Variants in COL5A1 observed in about 807,000 individuals in gnomAD.
The protein encoded by COL5A1 is collagen alpha-1(V) chain.
COL5A1 carries 16 observed loss-of-function variants against 263.7 expected under a neutral mutation model. The ratio of observed to expected loss-of-function variants is 0.06; its 90% CI spans 0.04 to 0.09. COL5A1 has a LOEUF of 0.09. COL5A1 is among the 10% of genes least tolerant of loss of function. The pLI is 1.00. For synonymous variants in COL5A1, 1,012 were observed against 1,004.5 expected (o/e 1.01, Z -0.14); for missense variants, 2,036 against 2,540.5 (o/e 0.80, Z 4.27).
rs555550547 is a variant in COL5A1, at chr9:134,686,934, C to A, written c.110-3978C>A. 6.6e-6 allele frequency among the ~76,000 whole-genome samples: 1 copy of A among 152,060 alleles called. No individual in the cohort carries two copies. Among genetic ancestry groups the A allele is most frequent in the Non-Finnish European group, 1.5e-5 (1 of 68,016 alleles). The stretch of plus-strand genomic sequence containing the variant: ...GCACACAGCTGATGGGAGCAAGCCA[C>A]GATGGGGAAAGGGATTGAATGCAGG... On this transcript the variant is annotated intron_variant, in intron 1 of 65. Transcript: ENST00000371817. The surrounding 1 kb of genome is among the most constrained non-coding windows in gnomAD (Gnocchi z 4.6).
At chr9:134,656,582 GC>G (rs1186994182) in intron 1 of COL5A1, among the ~76,000 whole-genome samples, 1 of 152,154 alleles carries the variant, frequency 6.6e-6, no homozygotes, top group Non-Finnish European at 1.5e-5. Flanking sequence ...CCCTAGGTGT[GC>G]CCGGTGTGCA....
intron 1 of COL5A1, among the ~76,000 whole-genome samples, chr9:134,663,688 G>A (rs1236050020): frequency 3.9e-5 from 6 of 152,192 alleles, no homozygotes; most frequent in Admixed American, 1.3e-4. Flanking sequence ...AGGGAAATGC[G>A]TTGTGGTGGC....
At chr9:134,773,913 C>T (rs1432433497) in intron 26 of COL5A1, among the ~76,000 whole-genome samples, 2 of 152,192 alleles carry the variant, frequency 1.3e-5, no homozygotes, top group African/African-American at 4.8e-5. Flanking sequence ...CTTCCGTTCA[C>T]CATGGGAGAC....
intron 63 of COL5A1, among the ~76,000 whole-genome samples, 192 bp downstream of exon 63, chr9:134,826,096 G>A (rs1377085943): frequency 6.6e-6 from 1 of 152,238 alleles, no homozygotes; most frequent in East Asian, 1.9e-4. Flanking sequence ...TAATAAAATA[G>A]GTTTGTGCAG....
intron 37 of COL5A1, 38 bp downstream of exon 37, chr9:134,798,499 C>G (rs1435922319): frequency 6.3e-7 from 1 of 1,599,242 alleles, no homozygotes; most frequent in Non-Finnish European, 8.6e-7. Flanking sequence ...GGCTGGCTGG[C>G]TCTCTGACCA....
chr9:134,751,205 C>G (rs1835768808), intron 13 of COL5A1, among the ~76,000 whole-genome samples: 1 of 149,902 alleles, frequency 6.7e-6, no homozygotes, highest in Non-Finnish European at 1.5e-5. Flanking sequence ...TGTCACTGTC[C>G]AGTAGGGACC....
intron 1 of COL5A1, among the ~76,000 whole-genome samples, chr9:134,664,197 T>G (rs986706222): frequency 6.6e-6 from 1 of 152,210 alleles, no homozygotes; most frequent in African/African-American, 2.4e-5. Context: ...CCTGCCCTAC[T>G]CTTCTACCAA....
chr9:134,827,141 C>T (rs1379661922), intron 63 of COL5A1, among the ~76,000 whole-genome samples: 1 of 152,222 alleles, frequency 6.6e-6, no homozygotes, highest in Admixed American at 6.5e-5. Flanking sequence ...CAGACCTGTG[C>T]GCCCCTGCAG....
At chr9:134,772,193 C>G (rs1836886424) in intron 25 of COL5A1, among the ~76,000 whole-genome samples, 1 of 152,178 alleles carries the variant, frequency 6.6e-6, no homozygotes, top group South Asian at 2.1e-4. Flanking sequence ...TGCTGGGACC[C>G]CTCAGTCAAG....
intron 39 of COL5A1, among the ~76,000 whole-genome samples, chr9:134,804,455 G>A (rs763931408): frequency 3.3e-5 from 5 of 151,904 alleles, no homozygotes; most frequent in South Asian, 2.1e-4. Context: ...ATGCTATTTC[G>A]ACCATGGATT....
At position 134,669,986 on chromosome 9, in the gene COL5A1, A is replaced by C. The variant is rs370508124; in HGVS notation, c.110-20926A>C. 2.1e-4 allele frequency among the ~76,000 whole-genome samples: 32 copies of C among 152,356 alleles called. No homozygotes were observed. In the East Asian group the frequency reaches 3.7e-3, roughly 17 times the overall value. On this transcript the variant is annotated intron_variant, in intron 1 of 65. Coordinates refer to ENST00000371817, the MANE Select transcript of COL5A1 (RefSeq NM_000093.5). ...CATACTCATTATAGTACATTTGGGA[A>C]ATATCAAAATGACTTTATTTTCCTT... is the stretch of plus-strand genomic sequence containing the variant.
chr9:134,715,638 G>A (rs1328284904), intron 4 of COL5A1, among the ~76,000 whole-genome samples: 1 of 152,156 alleles, frequency 6.6e-6, no homozygotes, highest in Non-Finnish European at 1.5e-5. Flanking sequence ...TTAAGGAGTG[G>A]TGATGACTTT....
intron 63 of COL5A1, among the ~76,000 whole-genome samples, chr9:134,828,616 C>T (rs1212687025): frequency 1.4e-3 from 4 of 2,866 alleles, no homozygotes; most frequent in Non-Finnish European, 2.2e-3. Flanking sequence ...ACACCATACA[C>T]CACACACATA....
chr9:134,752,063 G>A (rs1369805386), intron 13 of COL5A1, among the ~76,000 whole-genome samples: 2 of 152,240 alleles, frequency 1.3e-5, no homozygotes, highest in African/African-American at 4.8e-5. Flanking sequence ...TGGGAAAGCG[G>A]TGGGCCCTGC....
At chr9:134,811,253 C>A in intron 44 of COL5A1, 86 bp from the exon 45 acceptor site, 5 of 1,233,492 alleles carry the variant, frequency 4.1e-6, no homozygotes, top group South Asian at 2.4e-5. Context: ...ATGCATCAGT[C>A]CCCGGGCTCA....
In COL5A1 at chr9:134,814,053, T is replaced by A. The variant is rs1371947869; in HGVS notation, c.3906+17T>A. 2 of 1,550,080 alleles carry A rather than the reference T, an allele frequency of 1.3e-6. No individual in the cohort carries two copies. The highest frequency in any genetic ancestry group is 1.7e-6 in the Non-Finnish European group (2 of 1,146,726). ...GGCCCCCCGGTGAGTGAGCGGGCGC[T>A]GCGGGAGGGGTGGGATATGGCCGAG... On this transcript the variant is annotated intron_variant, in intron 49 of 65. Transcript: ENST00000371817.
At chr9:134,781,324 G>A (rs1203490762) in intron 28 of COL5A1, among the ~76,000 whole-genome samples, 1 of 152,278 alleles carries the variant, frequency 6.6e-6, no homozygotes, top group Admixed American at 6.5e-5. Context: ...CATCCGCACA[G>A]CGGAATCCTA....
At chr9:134,812,838 G>T in intron 48 of COL5A1, 126 bp downstream of exon 48, 1 of 740,998 alleles carries the variant, frequency 1.3e-6, no homozygotes, top group Admixed American at 2.0e-5. Context: ...GTGCATACAC[G>T]TGTGTGTACC....
chr9:134,800,535 G>T (rs558285131), intron 37 of COL5A1, among the ~76,000 whole-genome samples: 1 of 152,156 alleles, frequency 6.6e-6, no homozygotes, highest in South Asian at 2.1e-4. Context: ...ACCTGAGGTC[G>T]GGAGTTTGAG....
Sources: allele counts gnomAD v4.1 joint callset (sites outside exome capture counted in the v4.1 genomes callset), GRCh38; gene constraint gnomAD v4.1.1; non-coding constraint Gnocchi (gnomAD v3.1); transcripts MANE v1.5; gene names NCBI Gene and HGNC (gene_info 2026-07-23, HGNC 2026-07-21).